ACAP2: variants seen among roughly 807,000 people sequenced by gnomAD.
The protein encoded by ACAP2 is ArfGAP with coiled-coil, ankyrin repeat and PH domains 2.
ACAP2 carries 39 observed loss-of-function variants against 115.8 expected under a neutral mutation model. The ratio of observed to expected loss-of-function variants is 0.34; its 90% confidence interval spans 0.26 to 0.44. ACAP2 has a LOEUF of 0.44. Among genes scored for constraint, ACAP2 ranks in the 20% least tolerant of loss-of-function variants. The pLI is 1.00. For synonymous variants in ACAP2, 289 were observed against 315.8 expected, an observed-to-expected ratio of 0.92 and a Z score of 0.90; for missense variants, 662 against 927.6, an observed-to-expected ratio of 0.71 and a Z score of 3.72.
At chr3:195,424,930 A>T (rs1158840950) in intron 1 of ACAP2, among the ~76,000 whole-genome samples, 1 of 147,052 alleles carries the variant, frequency 6.8e-6, no homozygotes, top group African/African-American at 2.5e-5. Context: ...AAAAAAAAAA[A>T]AAAAAAAAAA....
At chr3:195,315,360 T>C (rs996526277) in intron 10 of ACAP2, among the ~76,000 whole-genome samples, 2 of 152,242 alleles carry the variant, frequency 1.3e-5, no homozygotes, top group African/African-American at 2.4e-5. Context: ...ATTTTACTAG[T>C]GTTTTTGGCA....
intron 20 of ACAP2, 48 bp downstream of exon 20, chr3:195,291,658 A>G (rs765450897): frequency 1.3e-6 from 2 of 1,503,854 alleles, no homozygotes; most frequent in East Asian, 2.3e-5. Context: ...TTAATTCAAA[A>G]TAATTTTTCA....
At chr3:195,337,124 CT>C in intron 6 of ACAP2, 148 bp from the exon 7 acceptor site, 1 of 658,728 alleles carries the variant, frequency 1.5e-6, no homozygotes, top group Non-Finnish European at 2.5e-6. Flanking sequence ...TTCAACTATC[CT>C]TTTGCAAAAC....
chr3:195,374,016 C>A (rs1733348408), intron 4 of ACAP2, among the ~76,000 whole-genome samples: 1 of 151,868 alleles, frequency 6.6e-6, no homozygotes, highest in Non-Finnish European at 1.5e-5. Flanking sequence ...AATCTGAATT[C>A]AAAAAAAGAA....
intron 9 of ACAP2, among the ~76,000 whole-genome samples, chr3:195,321,090 TAAATC>T (rs1729419350): frequency 6.6e-6 from 1 of 151,020 alleles, no homozygotes; most frequent in South Asian, 2.1e-4. Context: ...AAACAGAAAA[TAAATC>T]AATATAAACT....
chr3:195,367,573 T>C (rs540826982), intron 4 of ACAP2, among the ~76,000 whole-genome samples: 30 of 152,120 alleles, frequency 2.0e-4, no homozygotes, highest in African/African-American at 6.0e-4. Flanking sequence ...CACGGTAGAG[T>C]TGATTTTCCT....
chr3:195,393,134 G>A (rs545420012), intron 1 of ACAP2, among the ~76,000 whole-genome samples: 13 of 152,070 alleles, frequency 8.5e-5, no homozygotes, highest in South Asian at 2.1e-4. Flanking sequence ...CCAAGAGTTC[G>A]AGAGCAGCCT....
intron 2 of ACAP2, among the ~76,000 whole-genome samples, chr3:195,383,003 G>A (rs911820219): frequency 2.0e-5 from 3 of 152,076 alleles, no homozygotes; most frequent in African/African-American, 7.2e-5. Context: ...GTGCATCCAA[G>A]AGGGGAGGTA....
chr3:195,295,910 G>A lies in ACAP2; in HGVS notation c.1488-18C>T. The A allele has an allele frequency of 6.3e-7, 1 of 1,593,504 alleles. No homozygotes were observed. The highest frequency in any genetic ancestry group is 8.5e-7 in the Non-Finnish European group (1 of 1,171,310). ...TCTCCTGTCTGACAGACATAAAAAT[G>A]TCATGATGTTTTGCTTAATCTCTCA... On this transcript the variant is annotated intron_variant, in intron 16 of 22. Transcript: ENST00000326793.
At chr3:195,393,015 ATAT>A (rs1299812942) in intron 1 of ACAP2, among the ~76,000 whole-genome samples, 1 of 152,192 alleles carries the variant, frequency 6.6e-6, no homozygotes, top group Non-Finnish European at 1.5e-5. Context: ...ACTGAGTAAG[ATAT>A]TCTCAGGAGA....
intron 9 of ACAP2, among the ~76,000 whole-genome samples, chr3:195,322,517 G>A (rs781617859): frequency 1.3e-5 from 2 of 151,934 alleles, no homozygotes; most frequent in South Asian, 2.1e-4. Context: ...CTTTAACCAC[G>A]AAAAGACCTG....
At chr3:195,337,127 T>C (rs1324151322) in intron 6 of ACAP2, 151 bp from the exon 7 acceptor site, 2 of 641,536 alleles carry the variant, frequency 3.1e-6, no homozygotes, top group Admixed American at 3.7e-5. Flanking sequence ...AACTATCCTT[T>C]TGCAAAACAC....
At chr3:195,335,947 C>G (rs1730477716) in intron 7 of ACAP2, 1 of 130,336 alleles carries the variant, frequency 7.7e-6, no homozygotes, top group Non-Finnish European at 1.5e-5. Flanking sequence ...GTCACCTAGG[C>G]TGGAGTACAA....
intron 15 of ACAP2, among the ~76,000 whole-genome samples, chr3:195,298,836 G>A (rs930116629): frequency 6.6e-6 from 1 of 152,064 alleles, no homozygotes; most frequent in African/African-American, 2.4e-5. Flanking sequence ...TCTCCATGTT[G>A]GTCAGGCTGG....
intron 7 of ACAP2, among the ~76,000 whole-genome samples, chr3:195,333,751 C>T (rs1278257311): frequency 6.6e-6 from 1 of 152,092 alleles, no homozygotes; most frequent in Non-Finnish European, 1.5e-5. Flanking sequence ...TTATGTGCTC[C>T]TTCAACCAAG....
chr3:195,438,665 G>A (rs1170693641), intron 1 of ACAP2, among the ~76,000 whole-genome samples: 2 of 152,146 alleles, frequency 1.3e-5, no homozygotes, highest in Non-Finnish European at 2.9e-5. Context: ...GAGTCCAGGA[G>A]TTGGAGAACA....
intron 10 of ACAP2, among the ~76,000 whole-genome samples, chr3:195,310,321 T>C (rs1728681033): frequency 6.6e-6 from 1 of 152,196 alleles, no homozygotes; most frequent in Non-Finnish European, 1.5e-5. Context: ...TGCCTCTAAA[T>C]GCAAATCATC....
chr3:195,385,120 C>A (rs1300670641), intron 2 of ACAP2, among the ~76,000 whole-genome samples: 1 of 151,592 alleles, frequency 6.6e-6, no homozygotes, highest in Non-Finnish European at 1.5e-5. Context: ...AGGGAATGCA[C>A]ATAAAGATTC....
At position 195,283,319 on chromosome 3, in the gene ACAP2, G is replaced by A. The variant is rs184032005; in HGVS notation, c.2236+2477C>T. On this transcript the variant is annotated intron_variant, in intron 22 of 22. Transcript: ENST00000326793. ...AAACGTGTGCTCTCAATCACCCCAC[G>A]CAAGAAACAGGGAGTCCCAGGTCCC... 2.4e-3 allele frequency among the ~76,000 whole-genome samples: 360 copies of A among 152,238 alleles called. 1 individual carries two copies. The highest frequency in any genetic ancestry group is 3.3e-3 in the South Asian group (16 of 4,820).
Sources: gnomAD v4.1 joint callset for allele counts (sites outside exome capture counted in the v4.1 genomes callset) on GRCh38, gnomAD v4.1.1 for gene constraint, MANE v1.5 for transcripts, NCBI Gene and HGNC (gene_info 2026-07-23, HGNC 2026-07-21) for gene names.